Variants in MAGI1 observed in about 807,000 individuals in gnomAD.
MAGI1 encodes membrane associated guanylate kinase, WW and PDZ domain containing 1.
MAGI1 carries 58 observed loss-of-function variants against 139.9 expected under a neutral mutation model. That is an observed-to-expected ratio of 0.41 (90% CI 0.34 to 0.52). MAGI1 has a LOEUF of 0.52. Among genes scored for constraint, MAGI1 ranks in the 20% least tolerant of loss-of-function variants. The pLI, the probability that MAGI1 is intolerant of heterozygous loss-of-function variation, is 0.12. For synonymous variants in MAGI1, 812 were observed against 737.9 expected, an observed-to-expected ratio of 1.10 and a Z score of -1.63; for missense variants, 1,874 against 1,901.6, an observed-to-expected ratio of 0.99 and a Z score of 0.27.
chr3:65,428,407 G>A (rs1947223570), intron 12 of MAGI1, among the ~76,000 whole-genome samples: 1 of 152,092 alleles, frequency 6.6e-6, no homozygotes. Flanking sequence ...TGTGTTTTCT[G>A]GTGAGGCAGA....
chr3:65,582,078 T>A (rs2081453981), intron 2 of MAGI1, among the ~76,000 whole-genome samples: 1 of 152,150 alleles, frequency 6.6e-6, no homozygotes, highest in Admixed American at 6.5e-5. Context: ...GCCTACATAA[T>A]CCCCCAGTCC....
chr3:65,819,128 T>C (rs2041788884), intron 1 of MAGI1, among the ~76,000 whole-genome samples: 1 of 151,948 alleles, frequency 6.6e-6, no homozygotes, highest in Non-Finnish European at 1.5e-5. Flanking sequence ...CTATTAAAAA[T>C]ACAAAATTAG....
At chr3:65,461,905 T>C (rs1361397631) in intron 5 of MAGI1, among the ~76,000 whole-genome samples, 2 of 152,232 alleles carry the variant, frequency 1.3e-5, no homozygotes, top group East Asian at 3.9e-4. Context: ...ACATATTTGT[T>C]GGCCACATAA....
intron 1 of MAGI1, among the ~76,000 whole-genome samples, chr3:66,031,240 G>A (rs903802863): frequency 2.6e-5 from 4 of 152,182 alleles, no homozygotes; most frequent in African/African-American, 9.7e-5. Context: ...AGTATATCCT[G>A]TTACTTGTAT....
chr3:65,808,948 A>G (rs2108181293), intron 1 of MAGI1, among the ~76,000 whole-genome samples: 1 of 152,304 alleles, frequency 6.6e-6, no homozygotes, highest in Admixed American at 6.5e-5. Flanking sequence ...TCTAAAAGGG[A>G]AAGGAAATAA....
At chr3:65,651,507 G>C (rs1576603677) in intron 1 of MAGI1, among the ~76,000 whole-genome samples, 1 of 152,238 alleles carries the variant, frequency 6.6e-6, no homozygotes, top group East Asian at 1.9e-4. Flanking sequence ...CTGTGCACAT[G>C]GAGACCTTTC....
At chr3:65,958,755 A>G (rs1262071978) in intron 1 of MAGI1, among the ~76,000 whole-genome samples, 1 of 152,148 alleles carries the variant, frequency 6.6e-6, no homozygotes, top group Non-Finnish European at 1.5e-5. Flanking sequence ...GGGAGGTCAA[A>G]GCAGGAGGAT....
chr3:65,868,481 A>G (rs2059807232), intron 1 of MAGI1, among the ~76,000 whole-genome samples: 1 of 152,060 alleles, frequency 6.6e-6, no homozygotes, highest in African/African-American at 2.4e-5. Context: ...TCACCACATA[A>G]CCTTCTAGAC....
chr3:65,947,938 C>CTTTTTTTT (rs763826259), intron 1 of MAGI1, among the ~76,000 whole-genome samples: 1 of 127,876 alleles, frequency 7.8e-6, no homozygotes, highest in South Asian at 2.6e-4. Context: ...ATATCTTTCT[C>CTTTTTTTT]TTTTTTTTTT....
intron 1 of MAGI1, among the ~76,000 whole-genome samples, chr3:65,765,906 T>C (rs1368667257): frequency 6.6e-6 from 1 of 152,236 alleles, no homozygotes; most frequent in Non-Finnish European, 1.5e-5. Context: ...TTTTAAAACA[T>C]TTGTGAACCC....
chr3:65,600,650 G>GGGCGTCTGGCTTATAGAGC (rs1553677583), intron 2 of MAGI1, among the ~76,000 whole-genome samples: 5 of 152,210 alleles, frequency 3.3e-5, no homozygotes, highest in African/African-American at 9.7e-5. Context: ...GGCTTATAGA[G>GGGCGTCTGGCTTATAGAGC]CCAAGGGCAA....
intron 18 of MAGI1, among the ~76,000 whole-genome samples, chr3:65,366,196 A>G (rs1399628126): frequency 2.6e-5 from 4 of 152,214 alleles, no homozygotes; most frequent in Non-Finnish European, 2.9e-5. Context: ...CTGACATACA[A>G]TAAGCACTCA....
chr3:65,437,663 G>A (rs1055112120), intron 9 of MAGI1, among the ~76,000 whole-genome samples: 2 of 152,028 alleles, frequency 1.3e-5, no homozygotes, highest in Non-Finnish European at 2.9e-5. Flanking sequence ...TTTGCTAAGG[G>A]TGTGCTCTTC....
intron 2 of MAGI1, among the ~76,000 whole-genome samples, chr3:65,512,853 A>G (rs2107761500): frequency 6.6e-6 from 1 of 151,984 alleles, no homozygotes; most frequent in Middle Eastern, 3.4e-3. Context: ...GACACAGCCA[A>G]AAAAGAGAAT....
chr3:65,415,358 T>A (rs1045601258), intron 12 of MAGI1, among the ~76,000 whole-genome samples: 1 of 152,224 alleles, frequency 6.6e-6, no homozygotes, highest in Admixed American at 6.5e-5. Context: ...TAAGAAACTC[T>A]TCATCAGAAC....
chr3:65,763,146 G>C (rs1424218674), intron 1 of MAGI1, among the ~76,000 whole-genome samples: 1 of 152,108 alleles, frequency 6.6e-6, no homozygotes, highest in East Asian at 1.9e-4. Context: ...TATACTAGTA[G>C]GAAAGTCACA....
chr3:65,826,643 G>A (rs933489182), intron 1 of MAGI1, among the ~76,000 whole-genome samples: 7 of 152,162 alleles, frequency 4.6e-5, no homozygotes, highest in African/African-American at 1.7e-4. Flanking sequence ...GACCAGACCA[G>A]CCTGACATTT....
At chr3:65,677,653 C>A (rs2087282422) in intron 1 of MAGI1, among the ~76,000 whole-genome samples, 1 of 152,240 alleles carries the variant, frequency 6.6e-6, no homozygotes, top group Admixed American at 6.5e-5. Flanking sequence ...CCACACCTCA[C>A]AGCTTTCTGC....
chr3:65,507,264 T>C (rs1287498638), intron 2 of MAGI1, among the ~76,000 whole-genome samples: 1 of 152,204 alleles, frequency 6.6e-6, no homozygotes, highest in African/African-American at 2.4e-5. Flanking sequence ...ACTGAACATA[T>C]CTTTCCATTT....
Sources: gnomAD v4.1 joint callset for allele counts (sites outside exome capture counted in the v4.1 genomes callset) on GRCh38, gnomAD v4.1.1 for gene constraint, MANE v1.5 for transcripts, NCBI Gene and HGNC (gene_info 2026-07-23, HGNC 2026-07-21) for gene names.